The following ARL13B variants were observed in gnomAD, a reference collection of about 807,000 sequenced individuals.
ARL13B encodes ADP-ribosylation factor-like protein 13B.
In ARL13B, 36 loss-of-function variants were observed where a neutral mutation model predicts 56.1. The ratio of observed to expected loss-of-function variants is 0.64; its 90% CI spans 0.49 to 0.85. The LOEUF is 0.85. Among genes scored for constraint, ARL13B ranks in the 40% least tolerant of loss-of-function variants. The pLI is 0.00. For missense variants in ARL13B, 519 were observed against 507.1 expected (o/e 1.02, Z -0.23); for synonymous variants, 178 against 171.1 (o/e 1.04, Z -0.32).
Position 94,055,254 on chromosome 3 carries a change from C to T in ARL13B, c.*1991C>T. 1 of 411,826 alleles carries T rather than the reference C, an allele frequency of 2.4e-6. No individual in the cohort carries two copies. Among genetic ancestry groups the T allele is most frequent in the Non-Finnish European group, 4.7e-6 (1 of 211,828 alleles). 25.5% of individuals were successfully genotyped at this position (411,826 alleles called of 1,614,324 possible). ...TCTTAATTCTGAATTTTGACATTTT[C>T]ACACAATAAAAATAATTTATATCAA... On this transcript the variant is annotated 3_prime_UTR_variant, in exon 10 of 10. Transcript: ENST00000394222.
intron 2 of ARL13B, among the ~76,000 whole-genome samples, chr3:94,000,149 G>C (rs532628278): frequency 6.6e-6 from 1 of 152,266 alleles, no homozygotes; most frequent in African/African-American, 2.4e-5. Context: ...ATATCAACTA[G>C]TGAGAGCCGA....
intron 2 of ARL13B, among the ~76,000 whole-genome samples, chr3:93,998,471 A>T (rs1161660009): frequency 1.3e-5 from 2 of 152,074 alleles, no homozygotes; most frequent in East Asian, 3.8e-4. Flanking sequence ...TTTACTCTTC[A>T]GTTTCTTACT....
At chr3:94,044,151 T>C (rs1393298175) in intron 7 of ARL13B, among the ~76,000 whole-genome samples, 3 of 133,542 alleles carry the variant, frequency 2.2e-5, no homozygotes, top group Non-Finnish European at 3.2e-5. Context: ...TCTGCCCGGC[T>C]GCCCCATCTG....
chr3:93,988,518 T>A, intron 1 of ARL13B: 1 of 257,208 alleles, frequency 3.9e-6, no homozygotes, highest in Admixed American at 4.9e-5. Flanking sequence ...TTCCTGCTAC[T>A]TAAAATGTTT....
chr3:93,998,384 C>G (rs1027224242), intron 2 of ARL13B, among the ~76,000 whole-genome samples: 9 of 152,082 alleles, frequency 5.9e-5, no homozygotes, highest in African/African-American at 2.2e-4. Flanking sequence ...TTTTCTGAGT[C>G]TAGAAAATGC....
At chr3:94,045,250 CTCATTAAGAGTCG>C (rs1375850071) in intron 7 of ARL13B, among the ~76,000 whole-genome samples, 2 of 151,952 alleles carry the variant, frequency 1.3e-5, no homozygotes, top group Non-Finnish European at 2.9e-5. Flanking sequence ...AGGCAGCATG[CTCATTAAGAGTCG>C]TCACCACTCC....
At chr3:94,004,766 T>C (rs749723819) in intron 3 of ARL13B, among the ~76,000 whole-genome samples, 1 of 152,142 alleles carries the variant, frequency 6.6e-6, no homozygotes, top group Non-Finnish European at 1.5e-5. Context: ...AACTGTATTA[T>C]ATAATTTATT....
intron 7 of ARL13B, among the ~76,000 whole-genome samples, chr3:94,046,234 C>T (rs2076982441): frequency 6.6e-6 from 1 of 151,950 alleles, no homozygotes; most frequent in Non-Finnish European, 1.5e-5. Flanking sequence ...TAAACATTAT[C>T]CCCAAAAGTT....
chr3:94,014,812 T>C (rs1300690849), intron 3 of ARL13B: 1 of 1,614,006 alleles, frequency 6.2e-7, no homozygotes, highest in African/African-American at 1.3e-5. Context: ...TGCTATTGTG[T>C]CATTGTATAT....
intron 7 of ARL13B, among the ~76,000 whole-genome samples, chr3:94,047,294 A>T (rs563034005): frequency 6.6e-6 from 1 of 152,216 alleles, no homozygotes; most frequent in Non-Finnish European, 1.5e-5. Flanking sequence ...TTTGAAAGTT[A>T]TACTTTTTGT....
rs1365978949 is a variant in ARL13B, at chr3:94,029,050, T to TG, written c.381-6281_381-6280insG. 3.3e-5 allele frequency among the ~76,000 whole-genome samples: 5 copies of TG among 151,744 alleles called. No individual in the cohort carries two copies. In the East Asian group the frequency reaches 9.6e-4, roughly 29 times the overall value. Reference sequence around the variant, plus strand: ...CCACGTTACTTTTAATTTTTTTTACTTTTTATTATGCCTGCTGTTTTTATT... The same window carrying TG: ...CCACGTTACTTTTAATTTTTTTTACTGTTTTATTATGCCTGCTGTTTTTATT... On this transcript the variant is annotated intron_variant, in intron 3 of 9. Coordinates refer to ENST00000394222, the MANE Select transcript of ARL13B (RefSeq NM_001174150.2).
chr3:94,000,934 TA>T (rs2076045618), intron 2 of ARL13B, among the ~76,000 whole-genome samples: 1 of 152,054 alleles, frequency 6.6e-6, no homozygotes, highest in Admixed American at 6.6e-5. Flanking sequence ...GATGGATAAA[TA>T]CATGAAAGGA....
intron 7 of ARL13B, among the ~76,000 whole-genome samples, chr3:94,043,531 A>C: frequency 1.5e-5 from 1 of 68,254 alleles, no homozygotes; most frequent in Middle Eastern, 7.7e-3. Flanking sequence ...AATCCTTGGA[A>C]TAGCCCTCCC....
rs1559971312 is a variant in ARL13B at position 93,995,884 on chromosome 3, CTT to C, written c.73_74del (p.Leu25AspfsTer5). On this transcript the variant is annotated frameshift_variant, in exon 2 of 10. Coordinates refer to ENST00000394222, the MANE Select transcript of ARL13B (RefSeq NM_001174150.2). LOFTEE classifies it high-confidence loss of function. ...TTCTATTATTTTAAGAAAGGTGACT[CTT>C]TTGATGGTGGGACTTGATAATGCTG... ...RWREPVRKVT[L>X]LMVGLDNAGK... 2.5e-6 allele frequency: 4 copies of C among 1,611,928 alleles called. No individual in the cohort carries two copies. The highest frequency in any genetic ancestry group is 2.7e-5 in the African/African-American group (2 of 74,930).
intron 3 of ARL13B, among the ~76,000 whole-genome samples, chr3:94,012,749 T>A (rs1015233596): frequency 2.6e-5 from 4 of 152,122 alleles, no homozygotes; most frequent in Non-Finnish European, 1.5e-5. Context: ...CATCACCACC[T>A]CCTCTTCCAT....
At chr3:93,998,366 A>C (rs1485708544) in intron 2 of ARL13B, among the ~76,000 whole-genome samples, 1 of 152,110 alleles carries the variant, frequency 6.6e-6, no homozygotes, top group Non-Finnish European at 1.5e-5. Context: ...ATATATTCAT[A>C]AGTTCCTTTT....
chr3:94,029,344 T>G (rs1359026174), intron 3 of ARL13B, among the ~76,000 whole-genome samples: 1 of 102,562 alleles, frequency 9.8e-6, no homozygotes, highest in Non-Finnish European at 1.9e-5. Context: ...ATTTATTTTT[T>G]TTTTATTTTT....
chr3:94,014,434 G>A (rs767907622), intron 3 of ARL13B: 2 of 1,590,460 alleles, frequency 1.3e-6, no homozygotes, highest in African/African-American at 1.4e-5. Context: ...TACTCTGCAA[G>A]GATTTCTTTT....
At chr3:94,029,328 A>ATG (rs1469828805) in intron 3 of ARL13B, among the ~76,000 whole-genome samples, 2 of 98,754 alleles carry the variant, frequency 2.0e-5, no homozygotes, top group Non-Finnish European at 3.8e-5. Flanking sequence ...ATATATATAT[A>ATG]TATATATTTA....
Sources: gnomAD v4.1 joint callset for allele counts (sites outside exome capture counted in the v4.1 genomes callset) on GRCh38, gnomAD v4.1.1 for gene constraint, MANE v1.5 for transcripts, NCBI Gene and HGNC (gene_info 2026-07-23, HGNC 2026-07-21) for gene names.